Variants in ATXN7 observed in about 807,000 individuals in gnomAD.
The protein encoded by ATXN7 is ataxin 7, also known as ataxin-7.
A neutral mutation model predicts 70.5 loss-of-function variants in ATXN7; 12 were observed. The observed-to-expected ratio is 0.17, with a 90% CI of 0.11 to 0.28. The LOEUF is 0.28. Among genes scored for constraint, ATXN7 ranks in the 10% least tolerant of loss-of-function variants. The pLI is 1.00. For synonymous variants in ATXN7, 498 were observed against 448.7 expected, an observed-to-expected ratio of 1.11 and a Z score of -1.39; for missense variants, 1,256 against 1,131.7, an observed-to-expected ratio of 1.11 and a Z score of -1.58.
At chr3:63,992,644 T>G (rs776856444) in intron 11 of ATXN7, among the ~76,000 whole-genome samples, 2 of 152,188 alleles carry the variant, frequency 1.3e-5, no homozygotes, top group Admixed American at 1.3e-4. Context: ...TGTGAACTTT[T>G]TAAAAAGTAA....
chr3:63,972,469 A>G (rs55977096), intron 5 of ATXN7, among the ~76,000 whole-genome samples: 78 of 152,308 alleles, frequency 5.1e-4, no homozygotes, highest in African/African-American at 1.7e-3. Flanking sequence ...AACTGAGTCT[A>G]TCTGAAAGTG....
chr3:63,980,375 A>G, intron 6 of ATXN7: 1 of 650,004 alleles, frequency 1.5e-6, no homozygotes, highest in Non-Finnish European at 2.6e-6. Context: ...AAGGTTACTA[A>G]CATTTATTGA....
At chr3:63,985,328 C>T (rs557508521) in intron 8 of ATXN7, among the ~76,000 whole-genome samples, 1 of 152,270 alleles carries the variant, frequency 6.6e-6, no homozygotes, top group African/African-American at 2.4e-5. Context: ...TGTCATTACT[C>T]TCCGTGGCAT....
chr3:63,863,724 C>T (rs1213942443), upstream of ATXN7: 2 of 1,248,806 alleles, frequency 1.6e-6, no homozygotes, highest in Non-Finnish European at 2.0e-6. Flanking sequence ...TCAGGGGAGG[C>T]CCAGCGGGCC....
In ATXN7 at chr3:63,907,456, CTT is replaced by C. The variant is rs946462374; in HGVS notation, c.-11-5112_-11-5111del. ...TTGGTCCAACTTTTCCATTCCTTGT[CTT>C]TTTTTTTTTTTTTTTTTTTGTAACA... On this transcript the variant is annotated intron_variant, in intron 2 of 12. Coordinates refer to ENST00000674280, the MANE Select transcript of ATXN7 (RefSeq NM_001377405.1). Among the ~76,000 whole-genome samples, 1,023 of 116,592 alleles carry C rather than the reference CTT, an allele frequency of 8.8e-3. 4 individuals are homozygous for C. The highest frequency in any genetic ancestry group is 0.029 in the African/African-American group (876 of 30,508). The allele number at this position is 116,592 out of a possible 152,430, so 76.5% of individuals were successfully genotyped here.
At chr3:63,906,861 A>G (rs928013452) in intron 2 of ATXN7, among the ~76,000 whole-genome samples, 9 of 152,236 alleles carry the variant, frequency 5.9e-5, no homozygotes, top group Admixed American at 3.9e-4. Flanking sequence ...GCAACTGAAC[A>G]GTGTAGAAGT....
intron 1 of ATXN7, among the ~76,000 whole-genome samples, chr3:63,890,178 C>T (rs1275762220): frequency 6.6e-6 from 1 of 152,082 alleles, no homozygotes; most frequent in East Asian, 1.9e-4. Flanking sequence ...TGTAGCAAGC[C>T]AATTTTCTTG....
At chr3:63,987,808 A>G (rs897961679) in intron 8 of ATXN7, among the ~76,000 whole-genome samples, 7 of 152,046 alleles carry the variant, frequency 4.6e-5, no homozygotes, top group Non-Finnish European at 8.8e-5. Flanking sequence ...CACCGCTCAC[A>G]TATCTTTTTT....
Position 63,979,931 on chromosome 3 carries a change from A to C in ATXN7, c.516A>C (p.Ser172=), listed in dbSNP as rs1427041660. 1 of 1,614,174 alleles carries C rather than the reference A, an allele frequency of 6.2e-7. No homozygotes were observed. Among genetic ancestry groups the C allele is most frequent in the Non-Finnish European group, 8.5e-7 (1 of 1,180,020 alleles). ...FQSHYERRHS[S]SSKPPLAVPP... ...CGTTTTCAGAAAGAAGACATAGCTC[A>C]TCCAGCAAGCCGCCTTTGGCCGTTC... The change falls in exon 6 of 13, where the codon TCA becomes TCC. Residue 172 remains serine (S), a synonymous_variant. Transcript: ENST00000674280.
At chr3:63,871,035 A>T (rs1702578263) in intron 1 of ATXN7, among the ~76,000 whole-genome samples, 1 of 152,106 alleles carries the variant, frequency 6.6e-6, no homozygotes, top group Admixed American at 6.5e-5. Context: ...AAGGATGCAG[A>T]TTTGGTGACC....
At chr3:63,894,201 A>G (rs891154847) in intron 1 of ATXN7, among the ~76,000 whole-genome samples, 3 of 152,214 alleles carry the variant, frequency 2.0e-5, no homozygotes, top group Non-Finnish European at 4.4e-5. Context: ...GCAGCTCCCA[A>G]CACAGCTTCA....
At chr3:63,975,825 A>G (rs1011512348) in intron 5 of ATXN7, among the ~76,000 whole-genome samples, 6 of 152,174 alleles carry the variant, frequency 3.9e-5, no homozygotes, top group Non-Finnish European at 7.4e-5. Flanking sequence ...AAAGAGCCCC[A>G]TGAAGCTCTG....
intron 1 of ATXN7, chr3:63,864,941 T>C (rs1170612300): frequency 6.6e-6 from 1 of 152,218 alleles, no homozygotes; most frequent in African/African-American, 2.4e-5. Context: ...TGCAGCTGAT[T>C]TGACCTCCAG....
chr3:63,991,516 C>T (rs2075671544), intron 11 of ATXN7, among the ~76,000 whole-genome samples: 1 of 152,036 alleles, frequency 6.6e-6, no homozygotes, highest in Non-Finnish European at 1.5e-5. Flanking sequence ...GTCACTGGGA[C>T]AGTAGGGAGG....
intron 5 of ATXN7, among the ~76,000 whole-genome samples, chr3:63,954,663 C>T (rs1282808408): frequency 2.6e-5 from 4 of 151,184 alleles, no homozygotes; most frequent in Admixed American, 2.0e-4. Context: ...CTTCTCATTT[C>T]CCTCTTAGAA....
At chr3:63,913,970 A>G (rs1704160101) in intron 4 of ATXN7, among the ~76,000 whole-genome samples, 1 of 152,148 alleles carries the variant, frequency 6.6e-6, no homozygotes, top group Admixed American at 6.5e-5. Context: ...TTTGTTGTCT[A>G]ATACCTGCAC....
chr3:63,955,898 C>T (rs1233797067), intron 5 of ATXN7, among the ~76,000 whole-genome samples: 2 of 152,188 alleles, frequency 1.3e-5, no homozygotes, highest in East Asian at 1.9e-4. Flanking sequence ...AACATGCTAC[C>T]GTGGCAGCAA....
chr3:63,869,582 G>A (rs1702538819), intron 1 of ATXN7, among the ~76,000 whole-genome samples: 2 of 152,128 alleles, frequency 1.3e-5, no homozygotes, highest in Admixed American at 1.3e-4. Flanking sequence ...GTGCCACTAC[G>A]CCCAGCTCAT....
intron 12 of ATXN7, chr3:63,998,697 G>A (rs1294514008): frequency 1.0e-6 from 1 of 983,912 alleles, no homozygotes; most frequent in Non-Finnish European, 1.2e-6. Context: ...ACCCCAAGAA[G>A]TATTGCACAT....
Sources: allele counts gnomAD v4.1 joint callset (sites outside exome capture counted in the v4.1 genomes callset), GRCh38; gene constraint gnomAD v4.1.1; transcripts MANE v1.5; gene names NCBI Gene and HGNC (gene_info 2026-07-23, HGNC 2026-07-21).